Variants in CAV1 observed in about 807,000 individuals in gnomAD.
The protein encoded by CAV1 is caveolin 1.
CAV1 carries 10 observed loss-of-function variants against 16.5 expected under a neutral mutation model. The observed-to-expected ratio is 0.61, with a 90% CI of 0.37 to 1.03. The LOEUF (loss-of-function observed/expected upper bound fraction) is 1.03, where lower values mean the gene tolerates loss of function less well. CAV1 is among the 50% of genes least tolerant of loss of function. The pLI is 0.01. For synonymous variants in CAV1, 76 were observed against 85.1 expected (o/e 0.89, Z 0.59); for missense variants, 212 against 232.8 (o/e 0.91, Z 0.58).
intron 2 of CAV1, among the ~76,000 whole-genome samples, chr7:116,554,332 C>T (rs1468940601): frequency 6.6e-6 from 1 of 152,014 alleles, no homozygotes; most frequent in African/African-American, 2.4e-5. Context: ...CGTGTTCACA[C>T]CGTGGAAAGG....
intron 2 of CAV1, among the ~76,000 whole-genome samples, chr7:116,553,558 T>C (rs542408698): frequency 6.6e-5 from 10 of 152,196 alleles, no homozygotes; most frequent in Non-Finnish European, 1.0e-4. Flanking sequence ...AACAGAAAGT[T>C]GGTTGTGGGA....
In CAV1 at chr7:116,560,284, A is replaced by G. The variant is rs570724286; in HGVS notation, c.*997A>G. 1.9e-5 allele frequency: 3 copies of G among 155,604 alleles called. No individual in the cohort carries two copies. Among genetic ancestry groups the G allele is most frequent in the African/African-American group, 4.8e-5 (2 of 41,692 alleles). 9.6% of individuals were successfully genotyped at this position (155,604 alleles called of 1,614,324 possible). ...TGTCTATTCAGCTTCGTTTATTTTC[A>G]AGAATAATCACGCTTTCCTGAATCC... On this transcript the variant is annotated 3_prime_UTR_variant, in exon 3 of 3. Transcript: ENST00000341049.
intron 2 of CAV1, among the ~76,000 whole-genome samples, chr7:116,548,850 G>A (rs2116054426): frequency 6.6e-6 from 1 of 152,260 alleles, no homozygotes; most frequent in African/African-American, 2.4e-5. Context: ...AATCCACTGA[G>A]GCATATAGCA....
intron 2 of CAV1, among the ~76,000 whole-genome samples, chr7:116,537,769 T>C (rs771103335): frequency 3.3e-5 from 5 of 152,116 alleles, no homozygotes; most frequent in Middle Eastern, 3.2e-3. Context: ...CCCTAGATCT[T>C]GGCAAGTGGT....
intron 2 of CAV1, among the ~76,000 whole-genome samples, chr7:116,535,213 C>T (rs898705105): frequency 9.2e-5 from 14 of 152,222 alleles, no homozygotes; most frequent in African/African-American, 3.4e-4. Context: ...TGGCCTGTCT[C>T]TGATTCTTAT....
intron 2 of CAV1, among the ~76,000 whole-genome samples, chr7:116,555,542 G>GAGAGAGAGAAAGAA (rs1478856618): frequency 7.4e-4 from 9 of 12,132 alleles, no homozygotes; most frequent in Admixed American, 1.2e-3. Context: ...GAGAGAGAGA[G>GAGAGAGAGAAAGAA]AGAAAGAAAG....
At chr7:116,545,052 G>A (rs1343879945) in intron 2 of CAV1, among the ~76,000 whole-genome samples, 17 of 152,192 alleles carry the variant, frequency 1.1e-4, no homozygotes, top group Non-Finnish European at 4.4e-5. Flanking sequence ...CAATAAACAA[G>A]CATTCTAGGC....
chr7:116,549,221 C>T (rs926308525), intron 2 of CAV1, among the ~76,000 whole-genome samples: 1 of 152,214 alleles, frequency 6.6e-6, no homozygotes, highest in East Asian at 1.9e-4. Context: ...TGGGCCTGGG[C>T]TGCTTCTCCT....
intron 2 of CAV1, among the ~76,000 whole-genome samples, chr7:116,538,855 C>G (rs1439324997): frequency 1.3e-5 from 2 of 152,118 alleles, no homozygotes; most frequent in Non-Finnish European, 2.9e-5. Context: ...GCAGACAAGA[C>G]AGAATTGAGA....
chr7:116,547,053 C>T (rs1446535986), intron 2 of CAV1, among the ~76,000 whole-genome samples: 1 of 152,196 alleles, frequency 6.6e-6, no homozygotes, highest in African/African-American at 2.4e-5. Context: ...TCATTAATGG[C>T]CTTCTGCCTG....
At chr7:116,525,653 C>T (rs1459295279) in intron 1 of CAV1, 51 of 1,088,976 alleles carry the variant, frequency 4.7e-5, no homozygotes, top group Admixed American at 4.8e-5. Flanking sequence ...GGTAGACCTC[C>T]CCTCCCCAAA....
intron 2 of CAV1, among the ~76,000 whole-genome samples, chr7:116,556,539 T>C (rs1335513023): frequency 6.6e-6 from 1 of 152,174 alleles, no homozygotes; most frequent in African/African-American, 2.4e-5. Context: ...CCTCACATTT[T>C]TTCTATAAAG....
At position 116,555,580 on chromosome 7, in the gene CAV1, GAAA is replaced by G. The variant is rs1562838546; in HGVS notation, c.196-3365_196-3363del. ...AGAAAGAAAGAAAGAAAGAAAGAAA[GAAA>G]GAAAGAAAGAAAGAAAGAAAGAGAA... On this transcript the variant is annotated intron_variant, in intron 2 of 2. Coordinates refer to ENST00000341049, the MANE Select transcript of CAV1 (RefSeq NM_001753.5). Among the ~76,000 whole-genome samples, 29 of 70,126 alleles carry G rather than the reference GAAA, an allele frequency of 4.1e-4. 3 individuals carry two copies. The highest frequency in any genetic ancestry group is 1.7e-3 in the African/African-American group (28 of 16,666). The allele number at this position is 70,126 out of a possible 152,430, so 46.0% of individuals were successfully genotyped here. A position where few individuals can be genotyped will look rare whatever the true frequency, so the allele number is the denominator to read the frequency against.
intron 2 of CAV1, among the ~76,000 whole-genome samples, chr7:116,547,749 C>T (rs554698586): frequency 9.8e-5 from 15 of 152,320 alleles, no homozygotes; most frequent in East Asian, 1.9e-4. Flanking sequence ...TCTCCACTTC[C>T]GGTTGAGACA....
At chr7:116,554,214 G>T (rs978513273) in intron 2 of CAV1, among the ~76,000 whole-genome samples, 1 of 152,172 alleles carries the variant, frequency 6.6e-6, no homozygotes, top group Non-Finnish European at 1.5e-5. Context: ...TTATTTAGCC[G>T]AGCTTTGTTG....
chr7:116,532,204 G>T (rs1390934022), intron 2 of CAV1, among the ~76,000 whole-genome samples: 2 of 152,128 alleles, frequency 1.3e-5, no homozygotes, highest in African/African-American at 4.8e-5. Flanking sequence ...ACTTTTAAGG[G>T]GTTCAAAGTA....
rs555595091 is a variant in CAV1 at position 116,528,388 on chromosome 7, G to C, written c.195+1699G>C. On this transcript the variant is annotated intron_variant, in intron 2 of 2. Coordinates refer to ENST00000341049, the MANE Select transcript of CAV1 (RefSeq NM_001753.5). ...AGTTTACAAAACAGCATTTCAAAGA[G>C]CAAGTGTGGGGATCCTCAAATTAAA... Among the ~76,000 whole-genome samples the C allele has an allele frequency of 3.3e-5, 5 of 152,188 alleles. No individual in the cohort carries two copies. In the East Asian group the frequency reaches 9.6e-4, roughly 29 times the overall value.
In CAV1 at chr7:116,534,385, A is replaced by T. The variant is rs1446389607; in HGVS notation, c.195+7696A>T. On this transcript the variant is annotated intron_variant, in intron 2 of 2. Coordinates refer to ENST00000341049, the MANE Select transcript of CAV1 (RefSeq NM_001753.5). ...CAGATATATATATATATATATATAT[A>T]TATATATATATTTTTTTTTTTTTTT... Among the ~76,000 whole-genome samples the T allele has an allele frequency of 9.5e-3, 87 of 9,120 alleles. 1 individual carries two copies. In the East Asian group the frequency reaches 0.11, roughly 11 times the overall value. 6.0% of individuals were successfully genotyped at this position (9,120 alleles called of 152,430 possible).
chr7:116,557,546 A>G (rs768022286), intron 2 of CAV1, among the ~76,000 whole-genome samples: 8 of 152,156 alleles, frequency 5.3e-5, no homozygotes, highest in Non-Finnish European at 8.8e-5. Flanking sequence ...TAGTTTATAT[A>G]AATCTTTACA....
Sources: gnomAD v4.1 joint callset for allele counts (sites outside exome capture counted in the v4.1 genomes callset) on GRCh38, gnomAD v4.1.1 for gene constraint, MANE v1.5 for transcripts, NCBI Gene and HGNC (gene_info 2026-07-23, HGNC 2026-07-21) for gene names.